Variants in GALNT13 observed in about 807,000 individuals in gnomAD.
GALNT13 encodes the protein polypeptide N-acetylgalactosaminyltransferase 13, also known as UDP-GalNAc:polypeptide N-acetylgalactosaminyltransferase 13.
In GALNT13, 28 loss-of-function variants were observed where a neutral mutation model predicts 64.2. That is an observed-to-expected ratio of 0.44 (90% confidence interval 0.32 to 0.60). The LOEUF (loss-of-function observed/expected upper bound fraction) is 0.60. Among genes scored for constraint, GALNT13 ranks in the 20% least tolerant of loss-of-function variants. The pLI, the probability that GALNT13 is intolerant of heterozygous loss-of-function variation, is 0.05. For missense variants in GALNT13, 577 were observed against 669.8 expected (o/e 0.86, Z 1.53); for synonymous variants, 214 against 224.6 (o/e 0.95, Z 0.42).
chr2:153,177,842 A>G, the GALNT13 span, among the ~76,000 whole-genome samples: 2 of 152,144 alleles, frequency 1.3e-5, no homozygotes, highest in Admixed American at 1.3e-4. Flanking sequence ...TAATTGAGGC[A>G]TTATACCCTT....
chr2:153,326,203 G>A, the GALNT13 span, among the ~76,000 whole-genome samples: 2 of 151,832 alleles, frequency 1.3e-5, no homozygotes, highest in African/African-American at 4.8e-5. Flanking sequence ...AGTTCTTCTT[G>A]TTGCATTGAT....
At chr2:154,050,774 T>C (rs1699560859) in intron 3 of GALNT13, among the ~76,000 whole-genome samples, 2 of 152,208 alleles carry the variant, frequency 1.3e-5, no homozygotes, top group Non-Finnish European at 1.5e-5. Context: ...GAATATTTTA[T>C]TACCTTTTTC....
the GALNT13 span, among the ~76,000 whole-genome samples, chr2:153,254,999 G>A: frequency 3.3e-5 from 5 of 152,038 alleles, no homozygotes; most frequent in African/African-American, 4.8e-5. Context: ...TTGGTGCAGA[G>A]CTGAGTTCAA....
chr2:154,433,463 T>C (rs1489046947), intron 11 of GALNT13, among the ~76,000 whole-genome samples: 1 of 151,886 alleles, frequency 6.6e-6, no homozygotes, highest in East Asian at 1.9e-4. Flanking sequence ...AGACCTCTCT[T>C]ACAGCTTTGC....
intron 3 of GALNT13, among the ~76,000 whole-genome samples, chr2:153,982,268 C>T (rs1406429701): frequency 3.9e-5 from 6 of 151,946 alleles, no homozygotes; most frequent in South Asian, 4.1e-4. Context: ...TTTGCAAGGA[C>T]GGAAATGTAC....
the GALNT13 span, among the ~76,000 whole-genome samples, chr2:153,759,074 A>G: frequency 1.3e-5 from 2 of 152,170 alleles, no homozygotes; most frequent in African/African-American, 4.8e-5. Context: ...TAAATGAAAT[A>G]TATTTCTTCA....
At chr2:153,813,505 G>A in the GALNT13 span, among the ~76,000 whole-genome samples, 8 of 148,128 alleles carry the variant, frequency 5.4e-5, no homozygotes, top group African/African-American at 1.7e-4. Context: ...TGGAGAGGGT[G>A]GGAGGAAGAC....
chr2:154,119,343 T>C (rs1326827499), intron 3 of GALNT13, among the ~76,000 whole-genome samples: 1 of 152,176 alleles, frequency 6.6e-6, no homozygotes, highest in African/African-American at 2.4e-5. Flanking sequence ...TTGTCTTGTT[T>C]CTTGCTACTC....
chr2:153,867,724 G>T (rs1685790768), upstream of GALNT13, among the ~76,000 whole-genome samples: 1 of 151,780 alleles, frequency 6.6e-6, no homozygotes, highest in Non-Finnish European at 1.5e-5. Context: ...CCCATCTGGG[G>T]GTGATGGGAG....
the GALNT13 span, among the ~76,000 whole-genome samples, chr2:153,264,172 A>C: frequency 6.6e-6 from 1 of 152,254 alleles, no homozygotes; most frequent in Non-Finnish European, 1.5e-5. Context: ...ACAAGTGGAC[A>C]ACAAACATAT....
At chr2:153,198,361 T>C in the GALNT13 span, among the ~76,000 whole-genome samples, 48 of 152,278 alleles carry the variant, frequency 3.2e-4, no homozygotes, top group African/African-American at 1.1e-3. Context: ...GAGGTGAGAA[T>C]GTAGGCCACT....
chr2:153,944,518 C>A lies in GALNT13; in HGVS notation c.21C>A (p.Cys7Ter). Residue 7 changes from cysteine to a stop codon, truncating the protein, a stop_gained, in exon 3 of 13, where the codon TGC (cysteine) becomes TGA (stop). Coordinates refer to ENST00000392825, the MANE Select transcript of GALNT13 (RefSeq NM_052917.4). LOFTEE classifies it high-confidence loss of function. MRRFVY[C>*]KVVLATSLMW... ...AAGACATGAGGAGATTTGTCTACTG[C>A]AAGGTGGTTCTAGCCACTTCGCTGA... is the stretch of plus-strand genomic sequence containing the variant. The A allele has an allele frequency of 6.2e-7, 1 of 1,613,362 alleles. No individual in the cohort carries two copies. Among genetic ancestry groups the A allele is most frequent in the Non-Finnish European group, 8.5e-7 (1 of 1,179,550 alleles).
the GALNT13 span, among the ~76,000 whole-genome samples, chr2:153,258,369 AAAAACAAAAC>A: frequency 0.026 from 3,861 of 147,136 alleles, 164 homozygotes; most frequent in African/African-American, 0.089. Flanking sequence ...CTGGTCTCCC[AAAAACAAAAC>A]AAAACAAAAC....
At chr2:154,262,548 A>G (rs1241226634) in intron 8 of GALNT13, among the ~76,000 whole-genome samples, 3 of 152,194 alleles carry the variant, frequency 2.0e-5, no homozygotes, top group South Asian at 2.1e-4. Flanking sequence ...TCCCTACTGC[A>G]TTACACAACA....
the GALNT13 span, among the ~76,000 whole-genome samples, chr2:153,114,738 A>G: frequency 6.9e-4 from 105 of 152,244 alleles, 1 homozygote; most frequent in East Asian, 0.02. Context: ...TATTGCTATC[A>G]TTGATTTGTC....
At chr2:153,650,847 A>T in the GALNT13 span, among the ~76,000 whole-genome samples, 6 of 152,140 alleles carry the variant, frequency 3.9e-5, no homozygotes, top group Non-Finnish European at 7.3e-5. Flanking sequence ...TGCACATTTC[A>T]TCCAAGTTTC....
chr2:153,730,862 A>G, the GALNT13 span, among the ~76,000 whole-genome samples: 6 of 152,028 alleles, frequency 3.9e-5, no homozygotes, highest in African/African-American at 1.4e-4. Context: ...ACCAGTCTGA[A>G]TGACTATTAT....
chr2:153,356,789 CTTTT>C, the GALNT13 span, among the ~76,000 whole-genome samples: 26 of 104,884 alleles, frequency 2.5e-4, no homozygotes, highest in Admixed American at 4.7e-4. Flanking sequence ...TCTTCTTCCT[CTTTT>C]TTTTTTTTTT....
intron 4 of GALNT13, among the ~76,000 whole-genome samples, chr2:154,180,428 T>TA (rs768633651): frequency 2.9e-4 from 44 of 151,202 alleles, no homozygotes; most frequent in African/African-American, 8.0e-4. Flanking sequence ...ACCACTTATT[T>TA]AAAAAAAAAT....
Sources: gnomAD v4.1 joint callset for allele counts (sites outside exome capture counted in the v4.1 genomes callset) on GRCh38, gnomAD v4.1.1 for gene constraint, MANE v1.5 for transcripts, NCBI Gene and HGNC (gene_info 2026-07-23, HGNC 2026-07-21) for gene names.